Variants in MDGA2 observed in about 807,000 individuals in gnomAD.
MDGA2 encodes the protein MAM domain-containing glycosylphosphatidylinositol anchor protein 2.
MDGA2 carries 40 observed loss-of-function variants against 117.8 expected under a neutral mutation model. The ratio of observed to expected loss-of-function variants is 0.34; its 90% CI spans 0.26 to 0.44. The LOEUF (loss-of-function observed/expected upper bound fraction) is 0.44. Among genes scored for constraint, MDGA2 ranks in the 20% least tolerant of loss-of-function variants. The pLI is 1.00. For synonymous variants in MDGA2, 452 were observed against 439.0 expected (o/e 1.03, Z -0.37); for missense variants, 1,123 against 1,250.6 (o/e 0.90, Z 1.54).
intron 1 of MDGA2, among the ~76,000 whole-genome samples, chr14:47,576,085 T>G (rs1363640895): frequency 6.6e-6 from 1 of 152,162 alleles, no homozygotes; most frequent in Non-Finnish European, 1.5e-5. Flanking sequence ...AATCTGAATG[T>G]CAATCACAGA....
At chr14:46,931,355 A>G (rs1884568005) in intron 9 of MDGA2, among the ~76,000 whole-genome samples, 1 of 152,028 alleles carries the variant, frequency 6.6e-6, no homozygotes, top group Non-Finnish European at 1.5e-5. Context: ...AATTGAAAGA[A>G]TATTTTTAAA....
rs575583101 is a variant in MDGA2, at chr14:47,559,166, T to G, written c.280+115351A>C. 6.6e-5 allele frequency among the ~76,000 whole-genome samples: 10 copies of G among 152,254 alleles called. No individual in the cohort carries two copies. The South Asian group carries it at 1.5e-3, about 22-fold the overall frequency. On this transcript the variant is annotated intron_variant, in intron 1 of 16. Transcript: ENST00000399232. ...TAAATTGCGTGTTGCAAGGGTTTGG[T>G]GTATAGATTATTTTTTCACCCAGGT...
At chr14:47,490,355 G>A (rs541546963) in intron 1 of MDGA2, among the ~76,000 whole-genome samples, 1 of 152,066 alleles carries the variant, frequency 6.6e-6, no homozygotes, top group South Asian at 2.1e-4. Context: ...TTTATTTAAA[G>A]CAAATACTAT....
chr14:47,365,873 C>CATA, intron 1 of MDGA2, among the ~76,000 whole-genome samples: 1 of 152,308 alleles, frequency 6.6e-6, no homozygotes, highest in South Asian at 2.1e-4. Context: ...CATGCCAAGG[C>CATA]ATATTCATTC....
At chr14:47,158,607 C>CA (rs1392533529) in intron 3 of MDGA2, among the ~76,000 whole-genome samples, 2 of 151,564 alleles carry the variant, frequency 1.3e-5, no homozygotes, top group African/African-American at 4.8e-5. Flanking sequence ...ACCTCCCGAA[C>CA]AGCTGCCTGG....
At chr14:47,596,750 G>A (rs1283025953) in intron 1 of MDGA2, among the ~76,000 whole-genome samples, 1 of 152,070 alleles carries the variant, frequency 6.6e-6, no homozygotes, top group Non-Finnish European at 1.5e-5. Flanking sequence ...TAAGTGGAGT[G>A]GTTTATTTAA....
chr14:46,987,102 G>T (rs139862904), intron 8 of MDGA2, among the ~76,000 whole-genome samples: 1 of 152,062 alleles, frequency 6.6e-6, no homozygotes, highest in Non-Finnish European at 1.5e-5. Flanking sequence ...ACTAAAACAC[G>T]TAACATAGAA....
At chr14:47,523,450 A>T (rs1391192974) in intron 1 of MDGA2, among the ~76,000 whole-genome samples, 2 of 152,232 alleles carry the variant, frequency 1.3e-5, no homozygotes, top group East Asian at 3.8e-4. Context: ...TCTATGTGTT[A>T]GTATGCTTTT....
At chr14:47,264,233 G>A (rs1887890621) in intron 2 of MDGA2, among the ~76,000 whole-genome samples, 1 of 152,046 alleles carries the variant, frequency 6.6e-6, no homozygotes, top group East Asian at 1.9e-4. Context: ...CTTCACAGGT[G>A]TTTCTGCTCT....
chr14:47,279,085 A>C (rs1888393582), intron 2 of MDGA2, among the ~76,000 whole-genome samples: 1 of 152,148 alleles, frequency 6.6e-6, no homozygotes, highest in Non-Finnish European at 1.5e-5. Context: ...ACATAGTATA[A>C]ATGACAGTAT....
At chr14:46,917,312 A>G (rs1056638357) in intron 10 of MDGA2, among the ~76,000 whole-genome samples, 4 of 152,358 alleles carry the variant, frequency 2.6e-5, no homozygotes, top group East Asian at 1.9e-4. Context: ...AAAAATCTGT[A>G]TACAACACTG....
intron 14 of MDGA2, among the ~76,000 whole-genome samples, chr14:46,862,449 T>C (rs1881549182): frequency 6.7e-6 from 1 of 149,278 alleles, no homozygotes; most frequent in Admixed American, 6.7e-5. Flanking sequence ...GCATAAATAA[T>C]ATTTATCACT....
intron 6 of MDGA2, among the ~76,000 whole-genome samples, chr14:47,086,121 G>GTTT (rs71112481): frequency 7.0e-4 from 97 of 139,318 alleles, no homozygotes; most frequent in Admixed American, 3.6e-3. Context: ...TTTGTTTTTT[G>GTTT]TTTTTTTTTT....
At chr14:47,121,878 T>G (rs1359968114) in intron 5 of MDGA2, among the ~76,000 whole-genome samples, 1 of 152,076 alleles carries the variant, frequency 6.6e-6, no homozygotes, top group Admixed American at 6.6e-5. Context: ...ATATGTGCAT[T>G]AGGTCCAGAA....
intron 1 of MDGA2, among the ~76,000 whole-genome samples, chr14:47,472,868 A>C (rs1296652768): frequency 6.6e-6 from 1 of 152,168 alleles, no homozygotes; most frequent in Non-Finnish European, 1.5e-5. Context: ...ATGAGTTTAT[A>C]CATGAAGGGT....
At chr14:47,544,613 G>T (rs1236683399) in intron 1 of MDGA2, among the ~76,000 whole-genome samples, 2 of 152,092 alleles carry the variant, frequency 1.3e-5, no homozygotes, top group African/African-American at 4.8e-5. Context: ...TGTACAGAGG[G>T]TAGTCACTGA....
intron 1 of MDGA2, among the ~76,000 whole-genome samples, chr14:47,409,826 C>T (rs147389112): frequency 7.2e-4 from 110 of 152,182 alleles, no homozygotes; most frequent in African/African-American, 2.4e-3. Context: ...TTTTAATTTA[C>T]GTCCCCCGCT....
At chr14:47,118,022 G>A (rs1881426833) in intron 5 of MDGA2, among the ~76,000 whole-genome samples, 1 of 152,132 alleles carries the variant, frequency 6.6e-6, no homozygotes, top group East Asian at 1.9e-4. Flanking sequence ...TTACTGAACT[G>A]AATTACAAAG....
At chr14:47,003,792 T>C (rs891528042) in intron 8 of MDGA2, among the ~76,000 whole-genome samples, 1 of 152,040 alleles carries the variant, frequency 6.6e-6, no homozygotes, top group Admixed American at 6.6e-5. Context: ...TAGTGTCTAA[T>C]TTATTATTTA....
Sources: allele counts gnomAD v4.1 joint callset (sites outside exome capture counted in the v4.1 genomes callset), GRCh38; gene constraint gnomAD v4.1.1; transcripts MANE v1.5; gene names NCBI Gene and HGNC (gene_info 2026-07-23, HGNC 2026-07-21).